Variants in CPS1 observed in about 807,000 individuals in gnomAD.
CPS1 encodes carbamoyl-phosphate synthase [ammonia], mitochondrial.
In CPS1, 109 loss-of-function variants were observed where a neutral mutation model predicts 174.6. The observed-to-expected ratio is 0.62, with a 90% CI of 0.53 to 0.73. The LOEUF is 0.73. CPS1 is among the 30% of genes least tolerant of loss of function. CPS1 has a pLI of 0.00. For missense variants in CPS1, 1,689 were observed against 1,821.9 expected (o/e 0.93, Z 1.33); for synonymous variants, 637 against 632.0 (o/e 1.01, Z -0.12).
In CPS1 at chr2:210,641,026, G is replaced by A. The variant is rs969629435; in HGVS notation, c.2959+967G>A. Among the ~76,000 whole-genome samples, 50 of 152,282 alleles carry A rather than the reference G, an allele frequency of 3.3e-4. 1 individual carries two copies. The highest frequency in any genetic ancestry group is 1.0e-3 in the African/African-American group (43 of 41,568). On this transcript the variant is annotated intron_variant, in intron 24 of 37. Coordinates refer to ENST00000233072, the MANE Select transcript of CPS1 (RefSeq NM_001875.5). ...CATAGGTCTCTGCTTCTAAGATGGC[G>A]CCTTAAACCTTGTGCCTCCTATAAG...
intron 1 of CPS1, among the ~76,000 whole-genome samples, chr2:210,543,398 A>G (rs552114142): frequency 6.6e-6 from 1 of 151,934 alleles, no homozygotes; most frequent in Admixed American, 6.6e-5. Context: ...GCTTGGTTCA[A>G]TATCCTTCTG....
intron 32 of CPS1, 139 bp downstream of exon 32, chr2:210,660,794 T>A: frequency 2.3e-6 from 2 of 870,234 alleles, no homozygotes. Flanking sequence ...CTTTCAATAA[T>A]GTACTGCAGT....
At chr2:210,625,136 T>C (rs548543228) in intron 21 of CPS1, among the ~76,000 whole-genome samples, 52 of 152,110 alleles carry the variant, frequency 3.4e-4, no homozygotes, top group Non-Finnish European at 5.5e-4. Context: ...TGTAAGGTTT[T>C]GTGCTAGTTC....
In CPS1 at chr2:210,611,329, G is replaced by T. The variant is rs1228635604; in HGVS notation, c.2392-788G>T. On this transcript the variant is annotated intron_variant, in intron 19 of 37. Transcript: ENST00000233072. ...AAAAGTTTACTGAAAATAGCATTATGACTGCTATTATTTTAAATTGGAGAC... is the reference window on the plus strand; with the variant it reads ...AAAAGTTTACTGAAAATAGCATTATTACTGCTATTATTTTAAATTGGAGAC... Among the ~76,000 whole-genome samples the T allele has an allele frequency of 6.5e-4, 99 of 151,884 alleles. 1 individual carries two copies. The highest frequency in any genetic ancestry group is 1.3e-4 in the Non-Finnish European group (9 of 67,916).
chr2:210,529,887 C>T (rs1696074269), intron 1 of CPS1, among the ~76,000 whole-genome samples: 2 of 151,914 alleles, frequency 1.3e-5, no homozygotes, highest in Non-Finnish European at 2.9e-5. Context: ...TGAGATATAC[C>T]CACAATATAA....
upstream of CPS1, chr2:210,555,766 G>C: frequency 4.7e-6 from 2 of 425,706 alleles, no homozygotes; most frequent in Non-Finnish European, 9.6e-6. Flanking sequence ...GCATCTGCCA[G>C]CCAGTGAGGC....
chr2:210,581,769 C>G (rs1024121992), intron 5 of CPS1, among the ~76,000 whole-genome samples: 1 of 152,096 alleles, frequency 6.6e-6, no homozygotes, highest in Non-Finnish European at 1.5e-5. Flanking sequence ...TCACTTACCC[C>G]CAAGTGACTT....
intron 34 of CPS1, among the ~76,000 whole-genome samples, chr2:210,668,571 C>T (rs575614090): frequency 6.6e-6 from 1 of 152,144 alleles, no homozygotes; most frequent in East Asian, 1.9e-4. Flanking sequence ...ATCTCTTATT[C>T]TTTGGTTTTG....
upstream of CPS1, among the ~76,000 whole-genome samples, chr2:210,554,135 A>ATATGTGTATATGTGTATATATGTG (rs1696814054): frequency 2.1e-5 from 2 of 94,234 alleles, no homozygotes; most frequent in African/African-American, 3.0e-5. Flanking sequence ...ATATACATAC[A>ATATGTGTATATGTGTATATATGTG]TATATATATG....
intron 25 of CPS1, among the ~76,000 whole-genome samples, chr2:210,645,563 G>C (rs1364016098): frequency 1.3e-5 from 2 of 152,158 alleles, no homozygotes; most frequent in Non-Finnish European, 2.9e-5. Flanking sequence ...GGGAGGCTAA[G>C]GAGGGTAGAT....
chr2:210,581,192 G>T (rs1299956200), intron 5 of CPS1, among the ~76,000 whole-genome samples: 1 of 152,122 alleles, frequency 6.6e-6, no homozygotes, highest in Non-Finnish European at 1.5e-5. Context: ...GAGGCTATGA[G>T]GGCGGGAAAG....
intron 1 of CPS1, among the ~76,000 whole-genome samples, chr2:210,511,129 C>G (rs1277735636): frequency 2.0e-5 from 3 of 152,114 alleles, no homozygotes; most frequent in African/African-American, 7.2e-5. Context: ...TTGGAACCAA[C>G]CCAAATGTCC....
At chr2:210,586,991 T>C (rs896686345) in intron 6 of CPS1, among the ~76,000 whole-genome samples, 7 of 152,166 alleles carry the variant, frequency 4.6e-5, no homozygotes, top group Middle Eastern at 3.4e-3. Flanking sequence ...ATCTATACTT[T>C]TTCAAATTAT....
At chr2:210,656,467 C>T in intron 29 of CPS1, 58 bp from the exon 30 acceptor site, 3 of 1,245,534 alleles carry the variant, frequency 2.4e-6, no homozygotes, top group East Asian at 2.3e-5. Flanking sequence ...GGAGTAGCTT[C>T]CTTGAAGGAA....
chr2:210,536,380 G>A (rs1194614447), intron 1 of CPS1, among the ~76,000 whole-genome samples: 1 of 149,588 alleles, frequency 6.7e-6, no homozygotes. Flanking sequence ...GAGTGCAGTG[G>A]CGTGATCTCG....
intron 1 of CPS1, among the ~76,000 whole-genome samples, chr2:210,523,524 T>C (rs1695884134): frequency 6.6e-6 from 1 of 151,984 alleles, no homozygotes; most frequent in Admixed American, 6.6e-5. Flanking sequence ...GTCTCCAGTG[T>C]CTTTTATTCT....
chr2:210,564,525 G>A (rs1191507340), intron 1 of CPS1, among the ~76,000 whole-genome samples: 3 of 152,180 alleles, frequency 2.0e-5, no homozygotes, highest in East Asian at 3.9e-4. Flanking sequence ...ACAGGTGCCT[G>A]CCACCACGCC....
chr2:210,649,239 T>C (rs1700487986), intron 27 of CPS1, among the ~76,000 whole-genome samples: 1 of 152,230 alleles, frequency 6.6e-6, no homozygotes, highest in Admixed American at 6.5e-5. Flanking sequence ...AATCTTTTTA[T>C]TTAAATGTCA....
chr2:210,609,696 A>T (rs1056472587), intron 19 of CPS1, among the ~76,000 whole-genome samples: 1 of 151,858 alleles, frequency 6.6e-6, no homozygotes, highest in African/African-American at 2.4e-5. Flanking sequence ...TAGTCTATGT[A>T]TCTAAGTTGA....
Sources: allele counts gnomAD v4.1 joint callset (sites outside exome capture counted in the v4.1 genomes callset), GRCh38; gene constraint gnomAD v4.1.1; transcripts MANE v1.5; gene names NCBI Gene and HGNC (gene_info 2026-07-23, HGNC 2026-07-21).